SPMAP2L: variants seen among roughly 807,000 people sequenced by gnomAD.
SPMAP2L encodes sperm microtubule associated protein 2 like, also known as sperm microtubule associated protein 2-like.
the SPMAP2L span, among the ~76,000 whole-genome samples, chr4:56,582,948 A>T: frequency 6.6e-6 from 1 of 152,228 alleles, no homozygotes; most frequent in African/African-American, 2.4e-5. Context: ...AGGCAGACAC[A>T]AAAGGCTACA....
the SPMAP2L span, among the ~76,000 whole-genome samples, chr4:56,589,209 G>A: frequency 2.6e-5 from 4 of 151,896 alleles, no homozygotes; most frequent in African/African-American, 7.3e-5. Flanking sequence ...GGCTGGTCTC[G>A]AACTCCTGAC....
At chr4:56,621,272 T>C in the SPMAP2L span, among the ~76,000 whole-genome samples, 2 of 151,936 alleles carry the variant, frequency 1.3e-5, no homozygotes, top group South Asian at 4.2e-4. Context: ...TAGTGATAGG[T>C]TTTTGTACTC....
chr4:56,595,179 C>A, the SPMAP2L span: 1 of 1,611,582 alleles, frequency 6.2e-7, no homozygotes, highest in Non-Finnish European at 8.5e-7. Flanking sequence ...ACTACATGGC[C>A]AAGCGATTAG....
chr4:56,597,467 AT>A, the SPMAP2L span, among the ~76,000 whole-genome samples: 5 of 152,104 alleles, frequency 3.3e-5, no homozygotes, highest in Admixed American at 3.3e-4. Flanking sequence ...TCTAATGATC[AT>A]GTTGCCAAAA....
the SPMAP2L span, among the ~76,000 whole-genome samples, chr4:56,533,503 T>C: frequency 6.6e-6 from 1 of 152,180 alleles, no homozygotes; most frequent in Non-Finnish European, 1.5e-5. Flanking sequence ...ATGGATGAAA[T>C]GTCCTTGCTC....
At chr4:56,610,240 A>G in the SPMAP2L span, among the ~76,000 whole-genome samples, 1 of 152,230 alleles carries the variant, frequency 6.6e-6, no homozygotes, top group African/African-American at 2.4e-5. Context: ...GTACTGCTAT[A>G]AAAATAGGCA....
At chr4:56,596,049 T>C in the SPMAP2L span, among the ~76,000 whole-genome samples, 2 of 152,216 alleles carry the variant, frequency 1.3e-5, no homozygotes, top group Admixed American at 6.5e-5. Flanking sequence ...TCCAGGAGAC[T>C]TAATAGACAT....
chr4:56,539,673 C>T, the SPMAP2L span, among the ~76,000 whole-genome samples: 2 of 152,116 alleles, frequency 1.3e-5, no homozygotes, highest in Non-Finnish European at 2.9e-5. Flanking sequence ...CTGCCTGCCT[C>T]AGCCTCCCAA....
the SPMAP2L span, among the ~76,000 whole-genome samples, chr4:56,535,296 C>T: frequency 6.6e-6 from 1 of 152,156 alleles, no homozygotes; most frequent in Non-Finnish European, 1.5e-5. Flanking sequence ...GAAGTAAAAA[C>T]TAAAAGGCAG....
the SPMAP2L span, among the ~76,000 whole-genome samples, chr4:56,537,100 C>T: frequency 2.0e-4 from 31 of 152,070 alleles, no homozygotes; most frequent in Non-Finnish European, 4.0e-4. Context: ...AACCTCTAGG[C>T]AGCATCTAAC....
chr4:56,592,101 A>T, the SPMAP2L span, among the ~76,000 whole-genome samples: 23 of 152,192 alleles, frequency 1.5e-4, 1 homozygote, highest in Admixed American at 1.2e-3. Context: ...CTCCCGTCAG[A>T]TCAGCAGTGG....
At chr4:56,577,636 T>C in the SPMAP2L span, among the ~76,000 whole-genome samples, 1 of 152,152 alleles carries the variant, frequency 6.6e-6, no homozygotes, top group East Asian at 1.9e-4. Flanking sequence ...GATTGTAAGC[T>C]AAGAATACTC....
chr4:56,595,291 G>A, the SPMAP2L span: 1 of 1,612,908 alleles, frequency 6.2e-7, no homozygotes, highest in South Asian at 1.1e-5. Flanking sequence ...TATTGAGGCA[G>A]TGGATGTGGC....
chr4:56,543,939 AGAGAGAGAGAGT>A, the SPMAP2L span, among the ~76,000 whole-genome samples: 11 of 112,336 alleles, frequency 9.8e-5, no homozygotes, highest in Admixed American at 3.1e-4. Flanking sequence ...TGAGAGAGAG[AGAGAGAGAGAGT>A]GTGTGTGTGT....
At chr4:56,617,333 T>C in the SPMAP2L span, among the ~76,000 whole-genome samples, 1 of 152,242 alleles carries the variant, frequency 6.6e-6, no homozygotes, top group African/African-American at 2.4e-5. Flanking sequence ...GTCATATACT[T>C]GGTCTATTAT....
the SPMAP2L span, among the ~76,000 whole-genome samples, chr4:56,564,156 C>T: frequency 7.4e-6 from 1 of 135,622 alleles, no homozygotes; most frequent in Non-Finnish European, 1.5e-5. Context: ...TTTTTTGAGA[C>T]ATGGTCTCAC....
At chr4:56,552,932 A>G in the SPMAP2L span, among the ~76,000 whole-genome samples, 1 of 152,120 alleles carries the variant, frequency 6.6e-6, no homozygotes, top group East Asian at 1.9e-4. Context: ...CTTGAGAACC[A>G]CTGCTCAGGG....
At chr4:56,596,611 A>C in the SPMAP2L span, 2 of 1,527,610 alleles carry the variant, frequency 1.3e-6, no homozygotes, top group South Asian at 1.2e-5. Context: ...AAGACAAAGA[A>C]GTGAACTGCC....
chr4:56,623,331 GCCCCA>G, the SPMAP2L span, among the ~76,000 whole-genome samples: 1 of 152,018 alleles, frequency 6.6e-6, no homozygotes, highest in Non-Finnish European at 1.5e-5. Context: ...CCTCCACAAT[GCCCCA>G]CCTCTTGGAT....
Sources: allele counts gnomAD v4.1 joint callset (sites outside exome capture counted in the v4.1 genomes callset), GRCh38; gene constraint gnomAD v4.1.1; transcripts MANE v1.5; gene names NCBI Gene and HGNC (gene_info 2026-07-23, HGNC 2026-07-21).